KAZN: variants seen among roughly 807,000 people sequenced by gnomAD.
KAZN encodes kazrin, periplakin interacting protein.
A neutral mutation model predicts 87.4 loss-of-function variants in KAZN; 40 were observed. The observed-to-expected ratio is 0.46, with a 90% CI of 0.36 to 0.60. The LOEUF (loss-of-function observed/expected upper bound fraction) is 0.60. Ranked by LOEUF, KAZN falls within the 20% of genes least tolerant of loss-of-function variation. KAZN has a pLI of 0.00. For missense variants in KAZN, 898 were observed against 1,073.9 expected (o/e 0.84, Z 2.29); for synonymous variants, 466 against 458.3 (o/e 1.02, Z -0.22).
intron 1 of KAZN, among the ~76,000 whole-genome samples, chr1:13,931,722 T>C (rs1640522150): frequency 2.0e-5 from 3 of 152,204 alleles, no homozygotes; most frequent in African/African-American, 7.2e-5. Context: ...TTAATGTTAA[T>C]TCTTATATGT....
At chr1:14,102,539 C>G (rs951415125) in intron 1 of KAZN, among the ~76,000 whole-genome samples, 4 of 152,022 alleles carry the variant, frequency 2.6e-5, no homozygotes, top group African/African-American at 9.7e-5. Flanking sequence ...CTGCTGGCTT[C>G]CTCCGTCCAA....
At chr1:14,382,008 A>G (rs1345313825) in intron 2 of KAZN, among the ~76,000 whole-genome samples, 3 of 152,366 alleles carry the variant, frequency 2.0e-5, no homozygotes, top group South Asian at 2.1e-4. Flanking sequence ...AGATACAAAA[A>G]TCAGTAGCAC....
At chr1:14,941,581 G>A (rs951914335) in intron 1 of KAZN, among the ~76,000 whole-genome samples, 1 of 151,756 alleles carries the variant, frequency 6.6e-6, no homozygotes, top group African/African-American at 2.4e-5. Context: ...GGAGGTTCCG[G>A]TTTTTTTTAC....
At chr1:14,450,355 G>A (rs1571679279) in intron 2 of KAZN, among the ~76,000 whole-genome samples, 2 of 152,126 alleles carry the variant, frequency 1.3e-5, no homozygotes, top group East Asian at 3.9e-4. Context: ...TTCGGAGGCC[G>A]AAGCGGGTAG....
intron 1 of KAZN, among the ~76,000 whole-genome samples, chr1:14,044,958 A>G (rs1381651869): frequency 2.6e-5 from 4 of 152,040 alleles, no homozygotes; most frequent in Non-Finnish European, 5.9e-5. Context: ...TAGCCATATA[A>G]AAACGCCATC....
At chr1:14,492,406 T>C (rs1057030138) in intron 2 of KAZN, among the ~76,000 whole-genome samples, 1 of 151,782 alleles carries the variant, frequency 6.6e-6, no homozygotes, top group Non-Finnish European at 1.5e-5. Context: ...CAGTGAATGA[T>C]TCTTCAGCAC....
At chr1:14,261,508 T>G (rs1651013802) in intron 2 of KAZN, among the ~76,000 whole-genome samples, 2 of 152,222 alleles carry the variant, frequency 1.3e-5, no homozygotes, top group Non-Finnish European at 2.9e-5. Context: ...CTATTGATTT[T>G]CTGCGTGGCC....
At chr1:14,143,378 A>C (rs1645281042) in intron 1 of KAZN, among the ~76,000 whole-genome samples, 1 of 151,956 alleles carries the variant, frequency 6.6e-6, no homozygotes, top group Non-Finnish European at 1.5e-5. Flanking sequence ...ATTCTGAGCT[A>C]TTGTTTCGTG....
intron 1 of KAZN, among the ~76,000 whole-genome samples, chr1:13,947,398 G>A (rs762999931): frequency 4.6e-5 from 7 of 152,210 alleles, no homozygotes; most frequent in Non-Finnish European, 8.8e-5. Flanking sequence ...GGGGGAAACC[G>A]CCCCCGTGAT....
intron 1 of KAZN, among the ~76,000 whole-genome samples, chr1:13,987,258 C>T (rs567577883): frequency 6.6e-6 from 1 of 152,118 alleles, no homozygotes; most frequent in East Asian, 1.9e-4. Context: ...ACCTATCAAC[C>T]TGTCATCTAG....
At chr1:14,171,877 G>A (rs777423903) in intron 1 of KAZN, among the ~76,000 whole-genome samples, 37 of 152,090 alleles carry the variant, frequency 2.4e-4, no homozygotes, top group Non-Finnish European at 4.0e-4. Context: ...AGCAAAGTAC[G>A]GTAAGCTGTT....
intron 2 of KAZN, among the ~76,000 whole-genome samples, chr1:14,511,229 G>C (rs1670888330): frequency 6.6e-6 from 1 of 152,176 alleles, no homozygotes; most frequent in Non-Finnish European, 1.5e-5. Flanking sequence ...TGTCAAGCCA[G>C]TTTTGAAAGA....
In KAZN at chr1:14,037,569, C is replaced by T. The variant is rs560859630; in HGVS notation, c.92-142866C>T. On this transcript the variant is annotated intron_variant, in intron 1 of 16. Transcript: ENST00000636203. ...GCCCAGCTCCTCAGGCAGCAGCTAT[C>T]GTGTGGCTTGCGGGGAGAAAGAACC... Among the ~76,000 whole-genome samples, 42 of 152,300 alleles carry T rather than the reference C, an allele frequency of 2.8e-4. 1 individual carries two copies. The highest frequency in any genetic ancestry group is 9.6e-4 in the African/African-American group (40 of 41,564).
intron 2 of KAZN, among the ~76,000 whole-genome samples, chr1:14,446,425 A>T (rs1666988290): frequency 6.6e-6 from 1 of 152,128 alleles, no homozygotes; most frequent in South Asian, 2.1e-4. Flanking sequence ...GAAAAGGAGG[A>T]TGAATGGAAA....
intron 1 of KAZN, among the ~76,000 whole-genome samples, chr1:14,055,126 C>T (rs965052539): frequency 1.3e-5 from 2 of 152,184 alleles, no homozygotes; most frequent in African/African-American, 4.8e-5. Context: ...TAAGAACCAT[C>T]GGTCTAGGAT....
rs576280102 is a variant in KAZN at position 14,696,671 on chromosome 1, T to C, written c.226+97448T>C. On this transcript the variant is annotated intron_variant, in intron 1 of 14. Coordinates refer to ENST00000376030, the MANE Select transcript of KAZN (RefSeq NM_201628.3). ...CATGCTTCAGAGTCATCTAGAGGGTTTGATAAAACCCAAATGTCTGGGTCC... is the reference window on the plus strand; with the variant it reads ...CATGCTTCAGAGTCATCTAGAGGGTCTGATAAAACCCAAATGTCTGGGTCC... 4.6e-5 allele frequency among the ~76,000 whole-genome samples: 7 copies of C among 152,292 alleles called. No individual in the cohort carries two copies. In the East Asian group the frequency reaches 9.7e-4, roughly 21 times the overall value.
chr1:14,230,405 A>T (rs930674723), intron 2 of KAZN, among the ~76,000 whole-genome samples: 105 of 152,210 alleles, frequency 6.9e-4, no homozygotes, highest in African/African-American at 2.5e-3. Flanking sequence ...TGCTGAACTC[A>T]TAAGATCCTT....
chr1:14,795,895 G>A lies in KAZN; in HGVS notation c.227-164789G>A, dbSNP rs116510919. Among the ~76,000 whole-genome samples the A allele has an allele frequency of 5.3e-3, 804 of 152,274 alleles. 8 individuals are homozygous for A. Among genetic ancestry groups the A allele is most frequent in the African/African-American group, 0.018 (761 of 41,544 alleles). ...CAAAGGTCACCTTTCAGAAAGCCTT[G>A]TCTAACACAGGAAACCCTCACCGGC... On this transcript the variant is annotated intron_variant, in intron 1 of 14. Transcript: ENST00000376030.
intron 1 of KAZN, among the ~76,000 whole-genome samples, chr1:14,831,368 T>C (rs77043822): frequency 0.069 from 10,513 of 152,264 alleles, 609 homozygotes; most frequent in African/African-American, 0.16. Context: ...CTGCTTCTGC[T>C]GCTCCCAAGA....
Sources: allele counts gnomAD v4.1 joint callset (sites outside exome capture counted in the v4.1 genomes callset), GRCh38; gene constraint gnomAD v4.1.1; transcripts MANE v1.5; gene names NCBI Gene and HGNC (gene_info 2026-07-23, HGNC 2026-07-21).